Variants in CDH12 observed in about 807,000 individuals in gnomAD.
CDH12 encodes cadherin 12.
A neutral mutation model predicts 74.1 loss-of-function variants in CDH12; 41 were observed. That is an observed-to-expected ratio of 0.55 (90% CI 0.43 to 0.72). The LOEUF is 0.72. Ranked by LOEUF, CDH12 falls within the 30% of genes least tolerant of loss-of-function variation. The pLI is 0.00. For missense variants in CDH12, 945 were observed against 977.2 expected, an observed-to-expected ratio of 0.97 and a Z score of 0.44; for synonymous variants, 399 against 355.0, an observed-to-expected ratio of 1.12 and a Z score of -1.39.
At chr5:22,208,677 G>C (rs1449878813) in intron 4 of CDH12, among the ~76,000 whole-genome samples, 1 of 152,190 alleles carries the variant, frequency 6.6e-6, no homozygotes, top group Non-Finnish European at 1.5e-5. Flanking sequence ...TCATTGGCCA[G>C]TCTAGAGAGG....
intron 9 of CDH12, among the ~76,000 whole-genome samples, chr5:21,807,581 T>A (rs1747501801): frequency 6.6e-6 from 1 of 152,144 alleles, no homozygotes; most frequent in Admixed American, 6.6e-5. Flanking sequence ...TTGGCATAAA[T>A]TATAAGAGAA....
At chr5:22,525,694 C>A (rs999545713) in intron 1 of CDH12, among the ~76,000 whole-genome samples, 1 of 152,046 alleles carries the variant, frequency 6.6e-6, no homozygotes, top group East Asian at 1.9e-4. Context: ...CTTTCTTTGC[C>A]ATAGGCTCCC....
At chr5:22,521,503 C>G (rs565763117) in intron 1 of CDH12, among the ~76,000 whole-genome samples, 1 of 151,956 alleles carries the variant, frequency 6.6e-6, no homozygotes, top group African/African-American at 2.4e-5. Flanking sequence ...AGTAAAAAAC[C>G]TAATCTACAT....
intron 7 of CDH12, among the ~76,000 whole-genome samples, chr5:21,845,555 CTTTT>C (rs11437870): frequency 2.2e-5 from 3 of 133,782 alleles, no homozygotes; most frequent in Admixed American, 7.6e-5. Flanking sequence ...CCACTTTAGT[CTTTT>C]TTTTTTTTTT....
chr5:22,036,870 TAC>T (rs1278094333), intron 5 of CDH12, among the ~76,000 whole-genome samples: 1 of 152,228 alleles, frequency 6.6e-6, no homozygotes, highest in East Asian at 1.9e-4. Context: ...CTTGATTTAA[TAC>T]AGTTATTTTT....
intron 4 of CDH12, among the ~76,000 whole-genome samples, chr5:22,164,914 T>C (rs1029116774): frequency 7.0e-6 from 1 of 142,052 alleles, no homozygotes. Context: ...TGCCAGGAGG[T>C]CTGTCATTAA....
At chr5:22,184,953 A>G (rs62349138) in intron 4 of CDH12, among the ~76,000 whole-genome samples, 58,231 of 151,890 alleles carry the variant, frequency 0.38, 11,921 homozygotes, top group South Asian at 0.57. Flanking sequence ...CATTGCCCAG[A>G]TATTAAACCT....
chr5:22,107,803 C>T (rs955994938), intron 4 of CDH12, among the ~76,000 whole-genome samples: 1 of 151,896 alleles, frequency 6.6e-6, no homozygotes, highest in Non-Finnish European at 1.5e-5. Flanking sequence ...GAGATACACA[C>T]GAAGATTTTT....
chr5:21,811,790 T>C (rs559492793), intron 9 of CDH12, among the ~76,000 whole-genome samples: 1 of 151,616 alleles, frequency 6.6e-6, no homozygotes, highest in South Asian at 2.1e-4. Flanking sequence ...TTTTGTTTTG[T>C]TTTGTTTTAC....
chr5:22,564,951 G>C (rs926476894), intron 1 of CDH12, among the ~76,000 whole-genome samples: 1 of 151,964 alleles, frequency 6.6e-6, no homozygotes, highest in Non-Finnish European at 1.5e-5. Flanking sequence ...TTGTTTGTTT[G>C]TTTTTTGAGA....
chr5:22,268,324 A>G (rs1736227156), intron 3 of CDH12, among the ~76,000 whole-genome samples: 1 of 152,100 alleles, frequency 6.6e-6, no homozygotes, highest in Non-Finnish European at 1.5e-5. Context: ...TATATGATAC[A>G]TTACATTTTA....
chr5:22,231,393 CCTT>C (rs147148640), intron 3 of CDH12, among the ~76,000 whole-genome samples: 7,425 of 151,878 alleles, frequency 0.049, 207 homozygotes, highest in Middle Eastern at 0.12. Flanking sequence ...ATGATTATTT[CCTT>C]CTTTCTAATT....
chr5:22,389,280 C>G (rs781753983), intron 3 of CDH12, among the ~76,000 whole-genome samples: 4 of 152,108 alleles, frequency 2.6e-5, no homozygotes, highest in African/African-American at 4.8e-5. Context: ...CTTAACAATA[C>G]CACCTTTTCT....
intron 11 of CDH12, among the ~76,000 whole-genome samples, chr5:21,778,141 T>A (rs1357069661): frequency 6.6e-6 from 1 of 152,126 alleles, no homozygotes; most frequent in Non-Finnish European, 1.5e-5. Context: ...ATATGTTCCC[T>A]GTGAAATTGT....
chr5:22,849,842 C>A (rs1737467540), intron 1 of CDH12, among the ~76,000 whole-genome samples: 1 of 151,894 alleles, frequency 6.6e-6, no homozygotes. Flanking sequence ...ATTCATGGAG[C>A]AAGGGTTATG....
At chr5:22,569,478 C>T (rs1739441943) in intron 1 of CDH12, among the ~76,000 whole-genome samples, 2 of 152,148 alleles carry the variant, frequency 1.3e-5, no homozygotes, top group Admixed American at 6.5e-5. Context: ...GCCAATTAAA[C>T]CTCTTTTCAT....
chr5:22,076,589 T>C (rs1742328980), intron 5 of CDH12, among the ~76,000 whole-genome samples: 1 of 152,148 alleles, frequency 6.6e-6, no homozygotes, highest in Non-Finnish European at 1.5e-5. Context: ...TGTCTTGGAT[T>C]TCAAAATTCC....
At chr5:22,217,545 G>C (rs925570283) in intron 3 of CDH12, among the ~76,000 whole-genome samples, 3 of 151,616 alleles carry the variant, frequency 2.0e-5, no homozygotes. Flanking sequence ...GACCTTTCTT[G>C]TTAGCTCTGA....
In CDH12 at chr5:22,322,631, T is replaced by C. The variant is rs544985482; in HGVS notation, c.-333+82626A>G. On this transcript the variant is annotated intron_variant, in intron 3 of 14. Transcript: ENST00000382254. Reference sequence around the variant, plus strand: ...AATCAGTTATTAGGTCCATGTGCACTTTAACTTTGAATCTGTCTTTCTAAA... The same window carrying C: ...AATCAGTTATTAGGTCCATGTGCACCTTAACTTTGAATCTGTCTTTCTAAA... Among the ~76,000 whole-genome samples the C allele has an allele frequency of 2.0e-5, 3 of 152,308 alleles. No individual in the cohort carries two copies. The South Asian group carries it at 6.2e-4, about 32-fold the overall frequency.
Sources: gnomAD v4.1 joint callset for allele counts (sites outside exome capture counted in the v4.1 genomes callset) on GRCh38, gnomAD v4.1.1 for gene constraint, MANE v1.5 for transcripts, NCBI Gene and HGNC (gene_info 2026-07-23, HGNC 2026-07-21) for gene names.